ZMAT4: variants seen among roughly 807,000 people sequenced by gnomAD.
ZMAT4 encodes zinc finger matrin-type protein 4.
Under a neutral mutation model 28.7 loss-of-function variants are expected in ZMAT4, and 17 were observed. The ratio of observed to expected loss-of-function variants is 0.59; its 90% confidence interval spans 0.41 to 0.89. The LOEUF (loss-of-function observed/expected upper bound fraction) is 0.89. Among genes scored for constraint, ZMAT4 ranks in the 40% least tolerant of loss-of-function variants. The probability of loss-of-function intolerance (pLI) is 0.00; values close to 1 mark genes in which losing one functional copy is unlikely to be tolerated. For synonymous variants in ZMAT4, 117 were observed against 109.2 expected, an observed-to-expected ratio of 1.07 and a Z score of -0.44; for missense variants, 240 against 283.8, an observed-to-expected ratio of 0.85 and a Z score of 1.11.
At chr8:40,879,691 G>T (rs544203377) in intron 1 of ZMAT4, among the ~76,000 whole-genome samples, 1 of 151,912 alleles carries the variant, frequency 6.6e-6, no homozygotes, top group Admixed American at 6.6e-5. Context: ...TTTGAAAACC[G>T]CAAAAAAATA....
At chr8:40,628,994 C>A (rs183956192) in intron 5 of ZMAT4, among the ~76,000 whole-genome samples, 7 of 124,944 alleles carry the variant, frequency 5.6e-5, no homozygotes, top group Admixed American at 5.2e-4. Flanking sequence ...ATCCTGCCCT[C>A]GAGCTTTCTT....
At chr8:40,558,154 G>A (rs1190764303) in intron 6 of ZMAT4, among the ~76,000 whole-genome samples, 1 of 152,128 alleles carries the variant, frequency 6.6e-6, no homozygotes, top group Non-Finnish European at 1.5e-5. Flanking sequence ...GGGGAGGAGA[G>A]ATTTGCCTGA....
At chr8:40,767,408 T>G (rs989696033) in intron 3 of ZMAT4, among the ~76,000 whole-genome samples, 1 of 152,156 alleles carries the variant, frequency 6.6e-6, no homozygotes, top group African/African-American at 2.4e-5. Flanking sequence ...TCTCACTGTT[T>G]ATGGTCCCAG....
At chr8:40,568,860 T>A (rs193296096) in intron 6 of ZMAT4, among the ~76,000 whole-genome samples, 1 of 152,156 alleles carries the variant, frequency 6.6e-6, no homozygotes, top group Non-Finnish European at 1.5e-5. Context: ...CAGATGCAGT[T>A]ACTTCTTCCC....
intron 3 of ZMAT4, among the ~76,000 whole-genome samples, chr8:40,718,110 T>C (rs1488578880): frequency 6.6e-6 from 1 of 152,270 alleles, no homozygotes; most frequent in Non-Finnish European, 1.5e-5. Context: ...AGTTCTCTTT[T>C]ACTTCTTCCT....
At chr8:40,544,089 CTGA>C (rs1350812968) in intron 6 of ZMAT4, among the ~76,000 whole-genome samples, 1 of 152,122 alleles carries the variant, frequency 6.6e-6, no homozygotes, top group Non-Finnish European at 1.5e-5. Context: ...GAGGGGCCAA[CTGA>C]GTCTATTTTC....
chr8:40,600,014 T>C (rs1805244472), intron 5 of ZMAT4, among the ~76,000 whole-genome samples: 1 of 152,230 alleles, frequency 6.6e-6, no homozygotes, highest in African/African-American at 2.4e-5. Flanking sequence ...CATGCTTGCA[T>C]GTCCCTGTTC....
chr8:40,604,992 A>G (rs1464734959), intron 5 of ZMAT4, among the ~76,000 whole-genome samples: 1 of 152,104 alleles, frequency 6.6e-6, no homozygotes, highest in Non-Finnish European at 1.5e-5. Context: ...GTAGCCCTGA[A>G]TAATCTTTTG....
intron 3 of ZMAT4, among the ~76,000 whole-genome samples, chr8:40,762,492 ATT>A (rs879392461): frequency 6.7e-6 from 1 of 149,054 alleles, no homozygotes; most frequent in Non-Finnish European, 1.5e-5. Context: ...ATCTCTACAA[ATT>A]TTTTTTTTTA....
intron 3 of ZMAT4, among the ~76,000 whole-genome samples, chr8:40,701,508 T>TC: frequency 7.0e-5 from 1 of 14,322 alleles, no homozygotes; most frequent in African/African-American, 2.2e-4. Flanking sequence ...TATGCAGAAT[T>TC]TTTTTTTTTT....
chr8:40,552,575 C>G (rs1803398169), intron 6 of ZMAT4, among the ~76,000 whole-genome samples: 1 of 152,124 alleles, frequency 6.6e-6, no homozygotes, highest in Non-Finnish European at 1.5e-5. Context: ...TCTGTTTTGC[C>G]AGAGACATTA....
At chr8:40,716,871 G>A (rs966665392) in intron 3 of ZMAT4, among the ~76,000 whole-genome samples, 3 of 152,174 alleles carry the variant, frequency 2.0e-5, no homozygotes, top group African/African-American at 7.2e-5. Context: ...CTGAGCTGGA[G>A]CTTTGTCATT....
chr8:40,730,618 T>C (rs900610408), intron 3 of ZMAT4, among the ~76,000 whole-genome samples: 15 of 152,294 alleles, frequency 9.8e-5, no homozygotes, highest in Admixed American at 3.3e-4. Context: ...AGGATTCAGA[T>C]CTAAGTGTGT....
At chr8:40,868,654 C>A (rs939337400) in intron 1 of ZMAT4, among the ~76,000 whole-genome samples, 1 of 152,188 alleles carries the variant, frequency 6.6e-6, no homozygotes, top group Admixed American at 6.5e-5. Flanking sequence ...CCTGACCTGT[C>A]TACTCTCTTC....
At chr8:40,551,966 G>C (rs936591880) in intron 6 of ZMAT4, among the ~76,000 whole-genome samples, 2 of 152,154 alleles carry the variant, frequency 1.3e-5, no homozygotes, top group African/African-American at 2.4e-5. Context: ...GATTGAATGA[G>C]ATCATAAATG....
At chr8:40,634,605 C>T (rs1420688666) in intron 5 of ZMAT4, among the ~76,000 whole-genome samples, 1 of 152,180 alleles carries the variant, frequency 6.6e-6, no homozygotes, top group African/African-American at 2.4e-5. Context: ...TTAAGAGGCT[C>T]CAGAAGTTTT....
chr8:40,615,059 G>A (rs1805948729), intron 5 of ZMAT4, among the ~76,000 whole-genome samples: 1 of 152,156 alleles, frequency 6.6e-6, no homozygotes, highest in African/African-American at 2.4e-5. Context: ...TGCAGTGGCT[G>A]GTACCAGTTG....
intron 1 of ZMAT4, chr8:40,888,592 C>A (rs1178558819): frequency 2.6e-5 from 4 of 152,284 alleles, no homozygotes; most frequent in Non-Finnish European, 5.9e-5. Flanking sequence ...GAAGGTGCCC[C>A]AGAGCCCCCA....
intron 3 of ZMAT4, among the ~76,000 whole-genome samples, chr8:40,724,132 C>T (rs1459389623): frequency 1.3e-5 from 2 of 152,088 alleles, no homozygotes; most frequent in African/African-American, 2.4e-5. Flanking sequence ...AAAGACGTTC[C>T]CCAGTGTTCT....
Sources: allele counts gnomAD v4.1 joint callset (sites outside exome capture counted in the v4.1 genomes callset), GRCh38; gene constraint gnomAD v4.1.1; transcripts MANE v1.5; gene names NCBI Gene and HGNC (gene_info 2026-07-23, HGNC 2026-07-21).